The following PDZRN3 variants were observed in gnomAD, a reference collection of about 807,000 sequenced individuals.
PDZRN3 encodes E3 ubiquitin-protein ligase PDZRN3.
A neutral mutation model predicts 85.7 loss-of-function variants in PDZRN3; 38 were observed. That is an observed-to-expected ratio of 0.44 (90% confidence interval 0.34 to 0.58). PDZRN3 has a LOEUF of 0.58. Ranked by LOEUF, PDZRN3 falls within the 20% of genes least tolerant of loss-of-function variation. The pLI is 0.01. For synonymous variants in PDZRN3, 759 were observed against 638.0 expected (o/e 1.19, Z -2.86); for missense variants, 1,629 against 1,506.4 (o/e 1.08, Z -1.35).
At chr3:73,554,980 G>A (rs1455965918) in intron 3 of PDZRN3, among the ~76,000 whole-genome samples, 1 of 152,200 alleles carries the variant, frequency 6.6e-6, no homozygotes, top group Admixed American at 6.5e-5. Context: ...GCAGGGAAGG[G>A]ACCAGATTCC....
chr3:73,597,072 G>A (rs755645470), intron 3 of PDZRN3, among the ~76,000 whole-genome samples: 5 of 152,040 alleles, frequency 3.3e-5, no homozygotes, highest in Non-Finnish European at 7.4e-5. Flanking sequence ...AAATTATGTC[G>A]AAATGAAACA....
intron 3 of PDZRN3, among the ~76,000 whole-genome samples, chr3:73,417,269 A>G (rs576062557): frequency 6.6e-6 from 1 of 152,284 alleles, no homozygotes; most frequent in African/African-American, 2.4e-5. Context: ...CATTATGCAA[A>G]TTTTGATAAT....
At chr3:73,496,434 A>G (rs753131713) in intron 3 of PDZRN3, among the ~76,000 whole-genome samples, 2 of 152,194 alleles carry the variant, frequency 1.3e-5, no homozygotes, top group Non-Finnish European at 2.9e-5. Context: ...TGATTAATCA[A>G]CATTTTGCCA....
rs778045284 is a variant in PDZRN3, at chr3:73,384,862, G to T, written c.1704C>A (p.Asp568Glu). 1 of 1,614,118 alleles carries T rather than the reference G, an allele frequency of 6.2e-7. No homozygotes were observed. The highest frequency in any genetic ancestry group is 1.7e-5 in the Admixed American group (1 of 60,026). The change falls in exon 10 of 10, where the codon GAC (aspartate) becomes GAA (glutamate). Residue 568 changes from aspartate (D) to glutamate (E), a missense_variant. Coordinates refer to ENST00000263666, the MANE Select transcript of PDZRN3 (RefSeq NM_015009.3). ...ATILSNQHEK[D>E]SGVGRTDEST... is the part of the protein sequence containing the mutation. ...TCTCGTCGGTCCGCCCCACACCGCTGTCCTTCTCGTGCTGGTTGGACAAGA... is the reference window on the plus strand; with the variant it reads ...TCTCGTCGGTCCGCCCCACACCGCTTTCCTTCTCGTGCTGGTTGGACAAGA...
intron 3 of PDZRN3, among the ~76,000 whole-genome samples, chr3:73,432,814 T>C (rs1019888225): frequency 3.4e-5 from 5 of 148,666 alleles, no homozygotes; most frequent in East Asian, 3.9e-4. Context: ...AGCTGGATTA[T>C]TTTTTTTTTA....
At chr3:73,482,025 T>G (rs1226714076) in intron 3 of PDZRN3, among the ~76,000 whole-genome samples, 9 of 152,142 alleles carry the variant, frequency 5.9e-5, no homozygotes, top group Non-Finnish European at 1.3e-4. Context: ...GTTTTCAACA[T>G]TAAGAGCATC....
At chr3:73,527,298 C>T (rs567294238) in intron 3 of PDZRN3, among the ~76,000 whole-genome samples, 2 of 152,248 alleles carry the variant, frequency 1.3e-5, no homozygotes, top group African/African-American at 4.8e-5. Flanking sequence ...ACTTCCTATC[C>T]TCCGCATAGG....
chr3:73,590,904 TA>T (rs1415977974), intron 3 of PDZRN3, among the ~76,000 whole-genome samples: 1 of 152,230 alleles, frequency 6.6e-6, no homozygotes, highest in Non-Finnish European at 1.5e-5. Flanking sequence ...CCTCTTCATT[TA>T]AACTAGAGTT....
chr3:73,585,466 A>C (rs1702263912), intron 3 of PDZRN3, among the ~76,000 whole-genome samples: 2 of 152,186 alleles, frequency 1.3e-5, no homozygotes, highest in Admixed American at 1.3e-4. Context: ...TTGTTCATCA[A>C]AGCAAGGTTG....
chr3:73,540,087 GAAA>G (rs1168662549), intron 3 of PDZRN3, among the ~76,000 whole-genome samples: 1,582 of 50,092 alleles, frequency 0.032, 27 homozygotes, highest in African/African-American at 0.11. Flanking sequence ...ACTGTTGGAT[GAAA>G]AAAAAAAAAA....
intron 3 of PDZRN3, among the ~76,000 whole-genome samples, chr3:73,482,566 C>G (rs1703585364): frequency 6.6e-6 from 1 of 152,192 alleles, no homozygotes. Context: ...AAATCTCTGA[C>G]AGTCTTCAAC....
At chr3:73,409,029 A>T (rs1701912144) in intron 3 of PDZRN3, among the ~76,000 whole-genome samples, 1 of 152,228 alleles carries the variant, frequency 6.6e-6, no homozygotes, top group Non-Finnish European at 1.5e-5. Flanking sequence ...CAGCTTTAAA[A>T]CCAAGTAAAT....
intron 3 of PDZRN3, among the ~76,000 whole-genome samples, chr3:73,478,095 CA>C (rs1703493521): frequency 6.6e-6 from 1 of 152,156 alleles, no homozygotes; most frequent in African/African-American, 2.4e-5. Flanking sequence ...GAGATGAAAT[CA>C]AAGCAAAGAA....
chr3:73,399,427 C>CTAGG (rs930965691), intron 5 of PDZRN3, among the ~76,000 whole-genome samples: 1 of 152,110 alleles, frequency 6.6e-6, no homozygotes, highest in Admixed American at 6.5e-5. Flanking sequence ...CCAGGGGATT[C>CTAGG]TAGGTAGATA....
intron 3 of PDZRN3, among the ~76,000 whole-genome samples, chr3:73,586,357 C>G (rs1702277047): frequency 6.6e-6 from 1 of 152,228 alleles, no homozygotes; most frequent in African/African-American, 2.4e-5. Flanking sequence ...GACATACTGT[C>G]ACCTGCCCTG....
Position 73,540,087 on chromosome 3 carries a change from GAAAAAAAA to G in PDZRN3, c.918+62259_918+62266del, listed in dbSNP as rs1168662549. Among the ~76,000 whole-genome samples, 14 of 50,004 alleles carry G rather than the reference GAAAAAAAA, an allele frequency of 2.8e-4. No individual in the cohort carries two copies. The Admixed American group carries it at 3.3e-3, about 12-fold the overall frequency. The allele number at this position is 50,004 out of a possible 152,430, so 32.8% of individuals were successfully genotyped here. A position where few individuals can be genotyped will look rare whatever the true frequency, so the allele number is the denominator to read the frequency against. On this transcript the variant is annotated intron_variant, in intron 3 of 9. Coordinates refer to ENST00000263666, the MANE Select transcript of PDZRN3 (RefSeq NM_015009.3). ...ACAGATGCTCTGAAAACTGTTGGAT[GAAAAAAAA>G]AAAAAAAAAAAAAAAACAGTTCTCA...
chr3:73,491,726 G>C (rs1251299007), intron 3 of PDZRN3, among the ~76,000 whole-genome samples: 1 of 151,686 alleles, frequency 6.6e-6, no homozygotes, highest in Non-Finnish European at 1.5e-5. Context: ...CTACAGAGTA[G>C]CTGAGACTAC....
intron 3 of PDZRN3, among the ~76,000 whole-genome samples, chr3:73,415,855 A>C (rs1702070639): frequency 6.6e-6 from 1 of 152,128 alleles, no homozygotes; most frequent in Non-Finnish European, 1.5e-5. Flanking sequence ...TACTACAGTC[A>C]AGCAAATTAA....
In PDZRN3 at chr3:73,488,948, T is replaced by C. The variant is rs538828044; in HGVS notation, c.919-84553A>G. ...GGTTGGAGTCAGGTGTGTGTGCCTG[T>C]AGTGGGTGGGCATGACAGTGCCACA... On this transcript the variant is annotated intron_variant, in intron 3 of 9. Coordinates refer to ENST00000263666, the MANE Select transcript of PDZRN3 (RefSeq NM_015009.3). 3.3e-5 allele frequency among the ~76,000 whole-genome samples: 5 copies of C among 152,234 alleles called. No individual in the cohort carries two copies. In the South Asian group the frequency reaches 6.2e-4, roughly 19 times the overall value.
Sources: allele counts gnomAD v4.1 joint callset (sites outside exome capture counted in the v4.1 genomes callset), GRCh38; gene constraint gnomAD v4.1.1; transcripts MANE v1.5; gene names NCBI Gene and HGNC (gene_info 2026-07-23, HGNC 2026-07-21).